The following PBLD variants were observed in gnomAD, a reference collection of about 807,000 sequenced individuals.
PBLD encodes the protein phenazine biosynthesis-like domain-containing protein.
In PBLD, 26 loss-of-function variants were observed where a neutral mutation model predicts 31.3. The ratio of observed to expected loss-of-function variants is 0.83; its 90% CI spans 0.61 to 1.15. The LOEUF (loss-of-function observed/expected upper bound fraction) is 1.15, where lower values mean the gene tolerates loss of function less well. Ranked by LOEUF, PBLD falls within the 50% of genes most tolerant of loss-of-function variation. The pLI is 0.00. For synonymous variants in PBLD, 114 were observed against 129.0 expected, an observed-to-expected ratio of 0.88 and a Z score of 0.79; for missense variants, 307 against 351.7, an observed-to-expected ratio of 0.87 and a Z score of 1.02.
At chr10:68,298,515 T>C (rs970496581) in intron 2 of PBLD, among the ~76,000 whole-genome samples, 2 of 152,200 alleles carry the variant, frequency 1.3e-5, no homozygotes, top group South Asian at 4.1e-4. Context: ...AAAGGGAATA[T>C]GCATGTTCAT....
chr10:68,285,678 T>C (rs1372947411), intron 8 of PBLD, among the ~76,000 whole-genome samples: 2 of 152,036 alleles, frequency 1.3e-5, no homozygotes, highest in African/African-American at 2.4e-5. Flanking sequence ...TTTTATTTTA[T>C]TTTTATTTTT....
At chr10:68,306,625 G>C in intron 2 of PBLD, 136 bp downstream of exon 2, 1 of 717,586 alleles carries the variant, frequency 1.4e-6, no homozygotes, top group African/African-American at 1.8e-5. Flanking sequence ...TTGCATACAT[G>C]AACATTACTG....
chr10:68,316,927 C>T (rs535317106), intron 1 of PBLD, among the ~76,000 whole-genome samples: 1 of 152,136 alleles, frequency 6.6e-6, no homozygotes, highest in South Asian at 2.1e-4. Flanking sequence ...GCACAGGAAT[C>T]GCTTGAGACC....
intron 1 of PBLD, among the ~76,000 whole-genome samples, chr10:68,314,409 T>G (rs1391658013): frequency 6.6e-6 from 1 of 152,170 alleles, no homozygotes; most frequent in Non-Finnish European, 1.5e-5. Flanking sequence ...ATATTACCTA[T>G]CACTCTTGCC....
intron 1 of PBLD, among the ~76,000 whole-genome samples, chr10:68,313,841 C>A (rs373985406): frequency 4.0e-4 from 61 of 152,178 alleles, no homozygotes; most frequent in East Asian, 2.7e-3. Flanking sequence ...ACAACAACAA[C>A]AAAAAAACCC....
chr10:68,289,788 A>G (rs1428872978), intron 6 of PBLD, among the ~76,000 whole-genome samples: 1 of 152,034 alleles, frequency 6.6e-6, no homozygotes, highest in African/African-American at 2.4e-5. Flanking sequence ...TCCACCTCTT[A>G]GAGCTGTGAG....
chr10:68,327,225 A>T (rs1186287260), intron 1 of PBLD, among the ~76,000 whole-genome samples: 3 of 152,080 alleles, frequency 2.0e-5, no homozygotes, highest in Admixed American at 2.0e-4. Context: ...TGGCTTTTTC[A>T]TTTCTTGGTC....
At chr10:68,296,468 A>C in intron 3 of PBLD, 104 bp from the exon 4 acceptor site, 1 of 779,720 alleles carries the variant, frequency 1.3e-6, no homozygotes, top group Non-Finnish European at 2.1e-6. Flanking sequence ...CATGATGAGT[A>C]GCCAAAACAT....
intron 2 of PBLD, among the ~76,000 whole-genome samples, chr10:68,299,456 T>C (rs1284806395): frequency 6.6e-6 from 1 of 152,186 alleles, no homozygotes; most frequent in Non-Finnish European, 1.5e-5. Flanking sequence ...ACTCTTGTCT[T>C]TGATTCAAAA....
At position 68,284,225 on chromosome 10, in the gene PBLD, G is replaced by A; in HGVS notation, c.819C>T (p.Asp273=). ...AAACAACAGCTGCACCTCCTCTAAT[G>A]TCAACCCTTCCGTCTGGACGAAGGG... ...GISLRPDGRV[D]IRGGAAVVLE... The change falls in exon 10 of 10, where the codon GAC becomes GAT. Residue 273 remains aspartate, a synonymous_variant. Coordinates refer to ENST00000358769, the MANE Select transcript of PBLD (RefSeq NM_022129.4). 2 of 1,614,090 alleles carry A rather than the reference G, an allele frequency of 1.2e-6. No individual in the cohort carries two copies. The highest frequency in any genetic ancestry group is 8.5e-7 in the Non-Finnish European group (1 of 1,180,014).
intron 1 of PBLD, among the ~76,000 whole-genome samples, chr10:68,314,856 C>T (rs2044716092): frequency 6.6e-6 from 1 of 152,128 alleles, no homozygotes; most frequent in African/African-American, 2.4e-5. Context: ...ATGGTACAAT[C>T]TTGGCTCACT....
At chr10:68,322,784 ACT>A (rs1176400581) in intron 1 of PBLD, among the ~76,000 whole-genome samples, 3 of 151,920 alleles carry the variant, frequency 2.0e-5, no homozygotes, top group Non-Finnish European at 4.4e-5. Context: ...ACAGGGCCTC[ACT>A]CTGTTATCCA....
chr10:68,319,467 GAGGCCAAA>G (rs1309072579), intron 1 of PBLD, among the ~76,000 whole-genome samples: 1 of 152,192 alleles, frequency 6.6e-6, no homozygotes, highest in African/African-American at 2.4e-5. Context: ...TGGATTGCTT[GAGGCCAAA>G]AGTTCAAGAT....
chr10:68,303,941 G>A (rs1473269202), intron 2 of PBLD, among the ~76,000 whole-genome samples: 1 of 152,104 alleles, frequency 6.6e-6, no homozygotes, highest in African/African-American at 2.4e-5. Context: ...TCTCTGTAGT[G>A]ACTACTGAAT....
intron 2 of PBLD, among the ~76,000 whole-genome samples, chr10:68,304,398 T>C (rs761513872): frequency 3.3e-5 from 5 of 152,214 alleles, no homozygotes; most frequent in Non-Finnish European, 5.9e-5. Context: ...TGGAAAACTC[T>C]TTAGAGAGCA....
At chr10:68,331,317 A>G (rs987038318) in intron 1 of PBLD, 5 of 152,270 alleles carry the variant, frequency 3.3e-5, no homozygotes, top group Non-Finnish European at 1.5e-5. Flanking sequence ...TCCACAGGCT[A>G]ATCAGTCTCC....
At chr10:68,330,538 G>T (rs2045021556) in intron 1 of PBLD, among the ~76,000 whole-genome samples, 2 of 152,098 alleles carry the variant, frequency 1.3e-5, no homozygotes, top group South Asian at 4.1e-4. Context: ...AACTTGCACT[G>T]ATTTTTTTGG....
chr10:68,301,122 C>G (rs1005656148), intron 2 of PBLD, among the ~76,000 whole-genome samples: 1 of 152,178 alleles, frequency 6.6e-6, no homozygotes, highest in African/African-American at 2.4e-5. Context: ...TCTCAAACTC[C>G]TGACCTCAGG....
intron 2 of PBLD, among the ~76,000 whole-genome samples, chr10:68,300,016 G>C (rs1431394622): frequency 7.2e-5 from 11 of 152,076 alleles, no homozygotes. Context: ...TCAGCCTCCT[G>C]AGTACCTGGG....
Sources: gnomAD v4.1 joint callset for allele counts (sites outside exome capture counted in the v4.1 genomes callset) on GRCh38, gnomAD v4.1.1 for gene constraint, MANE v1.5 for transcripts, NCBI Gene and HGNC (gene_info 2026-07-23, HGNC 2026-07-21) for gene names.